Variants in ANO10 observed in about 807,000 individuals in gnomAD.
The protein encoded by ANO10 is anoctamin-10.
Under a neutral mutation model 74.7 loss-of-function variants are expected in ANO10, and 77 were observed. The observed-to-expected ratio is 1.03, with a 90% CI of 0.86 to 1.25. The LOEUF is 1.25. Ranked by LOEUF, ANO10 falls within the 50% of genes most tolerant of loss-of-function variation. The pLI, the probability that ANO10 is intolerant of heterozygous loss-of-function variation, is 0.00. For missense variants in ANO10, 721 were observed against 778.1 expected, an observed-to-expected ratio of 0.93 and a Z score of 0.87; for synonymous variants, 279 against 284.9, an observed-to-expected ratio of 0.98 and a Z score of 0.21.
intron 11 of ANO10, among the ~76,000 whole-genome samples, chr3:43,481,267 A>T (rs4395382): frequency 0.92 from 140,143 of 152,178 alleles, 64,822 homozygotes; most frequent in Non-Finnish European, 0.97. Flanking sequence ...TATTTATATG[A>T]ATTACTTTTA....
In ANO10 at chr3:43,441,453, C is replaced by T. The variant is rs529933256; in HGVS notation, c.1798-8726G>A. On this transcript the variant is annotated intron_variant, in intron 11 of 12. Transcript: ENST00000292246. ...CCTAGAAACATGCAACCTACCAAAA[C>T]TGAATCATGAAGAAAAAAAATCTGA... is the stretch of plus-strand genomic sequence containing the variant. Among the ~76,000 whole-genome samples the T allele has an allele frequency of 3.3e-5, 5 of 151,972 alleles. No individual in the cohort carries two copies. The East Asian group carries it at 9.7e-4, about 29-fold the overall frequency.
intron 1 of ANO10, among the ~76,000 whole-genome samples, chr3:43,659,603 T>A (rs1195035685): frequency 1.3e-5 from 2 of 152,202 alleles, no homozygotes; most frequent in Non-Finnish European, 2.9e-5. Flanking sequence ...CCACTGCAGC[T>A]CAGCAAGGCC....
At chr3:43,418,842 C>T (rs2092779503) in intron 12 of ANO10, among the ~76,000 whole-genome samples, 2 of 152,220 alleles carry the variant, frequency 1.3e-5, no homozygotes, top group South Asian at 2.1e-4. Context: ...GGCAATAGGT[C>T]CCTAAGCCAA....
chr3:43,378,229 A>C (rs879428433), intron 12 of ANO10, among the ~76,000 whole-genome samples: 1 of 152,242 alleles, frequency 6.6e-6, no homozygotes, highest in African/African-American at 2.4e-5. Context: ...TGGGATGAGT[A>C]GGAGCAGCTG....
intron 11 of ANO10, among the ~76,000 whole-genome samples, chr3:43,489,735 A>C (rs1191844143): frequency 1.3e-5 from 2 of 152,178 alleles, no homozygotes; most frequent in Non-Finnish European, 2.9e-5. Flanking sequence ...GGCAGAAAAA[A>C]ATATTTCTCT....
At chr3:43,595,121 A>G (rs2082011020) in intron 4 of ANO10, among the ~76,000 whole-genome samples, 1 of 152,244 alleles carries the variant, frequency 6.6e-6, no homozygotes, top group Non-Finnish European at 1.5e-5. Flanking sequence ...GCAACAATTA[A>G]GAGACTACCA....
At chr3:43,648,660 G>A (rs1373152260) in intron 1 of ANO10, among the ~76,000 whole-genome samples, 3 of 149,468 alleles carry the variant, frequency 2.0e-5, no homozygotes, top group African/African-American at 7.5e-5. Context: ...TGGTTTTGGT[G>A]GGTTTTAGCC....
intron 7 of ANO10, 140 bp downstream of exon 7, chr3:43,574,669 T>G: frequency 1.4e-6 from 1 of 706,276 alleles, no homozygotes; most frequent in Non-Finnish European, 2.5e-6. Context: ...GTACACATAT[T>G]TATTAATCAA....
chr3:43,530,227 T>TAACACA (rs2078396736), intron 11 of ANO10, among the ~76,000 whole-genome samples: 1 of 152,000 alleles, frequency 6.6e-6, no homozygotes, highest in Admixed American at 6.6e-5. Flanking sequence ...ATGCACCAAA[T>TAACACA]AACACAGTAA....
chr3:43,646,976 G>A (rs946202041), intron 1 of ANO10, among the ~76,000 whole-genome samples: 3 of 152,096 alleles, frequency 2.0e-5, no homozygotes, highest in African/African-American at 7.2e-5. Context: ...GTGAAAAGCG[G>A]GAAAGAAAAG....
intron 11 of ANO10, among the ~76,000 whole-genome samples, chr3:43,463,359 G>C (rs2149032839): frequency 6.6e-6 from 1 of 152,282 alleles, no homozygotes; most frequent in Admixed American, 6.5e-5. Flanking sequence ...GCTATGAAGA[G>C]AAAATAGCTT....
intron 12 of ANO10, among the ~76,000 whole-genome samples, chr3:43,386,388 G>GGGGAA (rs2092117467): frequency 6.6e-6 from 1 of 151,826 alleles, no homozygotes; most frequent in South Asian, 2.1e-4. Context: ...AAGGAGGAAA[G>GGGGAA]GGGAAGGGAA....
At chr3:43,606,603 G>A (rs1348652979) in intron 1 of ANO10, among the ~76,000 whole-genome samples, 4 of 151,792 alleles carry the variant, frequency 2.6e-5, no homozygotes, top group African/African-American at 9.7e-5. Flanking sequence ...GGATAGCTCG[G>A]GGTTAAATCT....
chr3:43,460,383 T>C (rs887536884), intron 11 of ANO10, among the ~76,000 whole-genome samples: 2 of 152,248 alleles, frequency 1.3e-5, no homozygotes, highest in African/African-American at 4.8e-5. Flanking sequence ...CATACATACA[T>C]GTGCCACACA....
rs143944392 is a variant in ANO10, at chr3:43,393,472, T to C, written c.1915-26498A>G. ...CTCTGGCCACATCCCCAATCTGTCT[T>C]TTTTGATGTAACCTAAACATAAATC... On this transcript the variant is annotated intron_variant, in intron 12 of 12. Coordinates refer to ENST00000292246, the MANE Select transcript of ANO10 (RefSeq NM_018075.5). Among the ~76,000 whole-genome samples the C allele has an allele frequency of 1.5e-3, 235 of 152,276 alleles. 3 individuals carry two copies. Among genetic ancestry groups the C allele is most frequent in the East Asian group, 0.013 (65 of 5,176 alleles).
intron 4 of ANO10, among the ~76,000 whole-genome samples, chr3:43,587,804 A>G (rs974692243): frequency 1.3e-5 from 2 of 152,084 alleles, no homozygotes; most frequent in Non-Finnish European, 2.9e-5. Context: ...TTAATCAAGA[A>G]AAAAAAAGCA....
chr3:43,555,047 G>A (rs1484366754), intron 10 of ANO10, among the ~76,000 whole-genome samples: 1 of 152,038 alleles, frequency 6.6e-6, no homozygotes, highest in African/African-American at 2.4e-5. Context: ...ACATCTAAAA[G>A]GGGTCTTAGA....
intron 1 of ANO10, among the ~76,000 whole-genome samples, chr3:43,629,468 T>C (rs1424019515): frequency 6.6e-6 from 1 of 152,160 alleles, no homozygotes; most frequent in Non-Finnish European, 1.5e-5. Flanking sequence ...CACTGGGGAA[T>C]TCTGAGCAGA....
chr3:43,662,648 C>A (rs2083939687), intron 1 of ANO10, among the ~76,000 whole-genome samples: 1 of 151,780 alleles, frequency 6.6e-6, no homozygotes, highest in South Asian at 2.1e-4. Context: ...AGACCGCTAC[C>A]AAGACTAGTG....
Sources: gnomAD v4.1 joint callset for allele counts (sites outside exome capture counted in the v4.1 genomes callset) on GRCh38, gnomAD v4.1.1 for gene constraint, MANE v1.5 for transcripts, NCBI Gene and HGNC (gene_info 2026-07-23, HGNC 2026-07-21) for gene names.